PDE4D: variants seen among roughly 807,000 people sequenced by gnomAD.
PDE4D encodes phosphodiesterase 4D.
A neutral mutation model predicts 87.4 loss-of-function variants in PDE4D; 24 were observed. The observed-to-expected ratio is 0.27, with a 90% CI of 0.20 to 0.39. PDE4D has a LOEUF of 0.39. Among genes scored for constraint, PDE4D ranks in the 10% least tolerant of loss-of-function variants. The pLI is 1.00. For missense variants in PDE4D, 714 were observed against 1,041.0 expected, an observed-to-expected ratio of 0.69 and a Z score of 4.32; for synonymous variants, 384 against 383.2, an observed-to-expected ratio of 1.00 and a Z score of -0.02.
chr5:59,783,978 A>G (rs138467570), intron 1 of PDE4D, among the ~76,000 whole-genome samples: 146 of 152,308 alleles, frequency 9.6e-4, no homozygotes, highest in Non-Finnish European at 1.1e-3. Flanking sequence ...AGATGGTTTC[A>G]GCCTGGAAGG....
chr5:59,773,782 G>A (rs1763809523), intron 1 of PDE4D, among the ~76,000 whole-genome samples: 1 of 152,092 alleles, frequency 6.6e-6, no homozygotes, highest in African/African-American at 2.4e-5. Flanking sequence ...TCTGAACACT[G>A]TAGAACATGG....
Position 58,976,489 on chromosome 5 carries a change from T to C in PDE4D, c.1708-17A>G, listed in dbSNP as rs973874906. 45 of 1,516,324 alleles carry C rather than the reference T, an allele frequency of 3.0e-5. No homozygotes were observed. The highest frequency in any genetic ancestry group is 4.2e-5 in the African/African-American group (3 of 72,134). 93.9% of individuals were successfully genotyped at this position (1,516,324 alleles called of 1,614,324 possible). Reference sequence around the variant, plus strand: ...TGCAAGTACCTTAAAATATAGAGTATATTATTAAGTTCAGAGAAAACAGAA... The same window carrying C: ...TGCAAGTACCTTAAAATATAGAGTACATTATTAAGTTCAGAGAAAACAGAA... On this transcript the variant is annotated splice_polypyrimidine_tract_variant and intron_variant, in intron 12 of 14. Coordinates refer to ENST00000340635, the MANE Select transcript of PDE4D (RefSeq NM_001104631.2).
At chr5:60,453,755 A>G (rs1180526059) in intron 1 of PDE4D, among the ~76,000 whole-genome samples, 1 of 152,008 alleles carries the variant, frequency 6.6e-6, no homozygotes, top group Non-Finnish European at 1.5e-5. Flanking sequence ...AACTTTAAGT[A>G]CACTCCTCTC....
chr5:60,359,909 C>G (rs1759917881), intron 1 of PDE4D, among the ~76,000 whole-genome samples: 1 of 152,186 alleles, frequency 6.6e-6, no homozygotes. Flanking sequence ...ATGCTCCTTC[C>G]TCACATTCAT....
intron 2 of PDE4D, among the ~76,000 whole-genome samples, chr5:60,057,263 A>G (rs977852571): frequency 2.0e-5 from 3 of 152,082 alleles, no homozygotes; most frequent in African/African-American, 4.8e-5. Context: ...CCAACACAGC[A>G]AGTAATCACA....
chr5:59,261,258 T>C (rs1761959649), intron 1 of PDE4D, among the ~76,000 whole-genome samples: 1 of 151,876 alleles, frequency 6.6e-6, no homozygotes, highest in Non-Finnish European at 1.5e-5. Context: ...AATCTGGTCT[T>C]TGATAGTCCA....
intron 1 of PDE4D, among the ~76,000 whole-genome samples, chr5:59,725,589 G>T (rs1442721655): frequency 6.6e-6 from 1 of 152,048 alleles, no homozygotes; most frequent in Non-Finnish European, 1.5e-5. Context: ...AAGATCAATG[G>T]AATGCACTGC....
intron 3 of PDE4D, among the ~76,000 whole-genome samples, chr5:59,941,121 A>C (rs1384180803): frequency 1.3e-5 from 2 of 152,202 alleles, no homozygotes; most frequent in Admixed American, 6.5e-5. Flanking sequence ...TATTTTAATA[A>C]GTATATTTCC....
At chr5:59,829,720 A>G (rs1359329794) in intron 1 of PDE4D, among the ~76,000 whole-genome samples, 3 of 152,052 alleles carry the variant, frequency 2.0e-5, no homozygotes, top group Non-Finnish European at 2.9e-5. Flanking sequence ...CACTATTCTA[A>G]TCTAATTATA....
At chr5:59,136,642 T>G (rs1268772281) in intron 5 of PDE4D, among the ~76,000 whole-genome samples, 2 of 152,192 alleles carry the variant, frequency 1.3e-5, no homozygotes, top group African/African-American at 2.4e-5. Flanking sequence ...TGGTGCAGAA[T>G]AGTATTTGTA....
At chr5:59,200,987 T>C (rs1043382387) in intron 2 of PDE4D, among the ~76,000 whole-genome samples, 3 of 152,122 alleles carry the variant, frequency 2.0e-5, no homozygotes, top group African/African-American at 7.2e-5. Flanking sequence ...AAATTATACA[T>C]GCCTTTATTC....
intron 1 of PDE4D, among the ~76,000 whole-genome samples, chr5:60,414,774 G>A (rs551712676): frequency 6.6e-6 from 1 of 152,300 alleles, no homozygotes; most frequent in African/African-American, 2.4e-5. Context: ...AAACCTACTT[G>A]TAATGGAATT....
chr5:60,246,018 TGTACC>T (rs1747723378), intron 1 of PDE4D, among the ~76,000 whole-genome samples: 1 of 48,740 alleles, frequency 2.1e-5, no homozygotes, highest in African/African-American at 1.3e-4. Context: ...ATTGCATGCC[TGTACC>T]CCATGCCTGT....
intron 1 of PDE4D, among the ~76,000 whole-genome samples, chr5:59,609,180 G>A (rs295962): frequency 0.86 from 130,798 of 151,668 alleles, 56,457 homozygotes; most frequent in South Asian, 0.93. Flanking sequence ...GAAGTAGAAG[G>A]ATATAGATGC....
intron 2 of PDE4D, among the ~76,000 whole-genome samples, chr5:59,202,067 C>G (rs1224592953): frequency 9.5e-6 from 1 of 105,486 alleles, no homozygotes; most frequent in Non-Finnish European, 1.7e-5. Context: ...GAGATGGAGT[C>G]TCACTCTGTC....
chr5:60,145,503 A>G (rs1780910421), intron 2 of PDE4D, among the ~76,000 whole-genome samples: 1 of 152,202 alleles, frequency 6.6e-6, no homozygotes, highest in Non-Finnish European at 1.5e-5. Context: ...CCTATTTAAA[A>G]TTGCTTTGCT....
chr5:59,401,923 A>G (rs1430346706), intron 1 of PDE4D, among the ~76,000 whole-genome samples: 1 of 152,200 alleles, frequency 6.6e-6, no homozygotes, highest in South Asian at 2.1e-4. Flanking sequence ...CTTTTGAACT[A>G]AGTTCAGGGC....
intron 1 of PDE4D, among the ~76,000 whole-genome samples, chr5:59,530,656 C>T (rs370172159): frequency 8.6e-5 from 13 of 151,778 alleles, no homozygotes; most frequent in African/African-American, 1.2e-4. Context: ...CCCATGGATA[C>T]GAAAGGCCTA....
At chr5:58,987,090 T>C (rs748276077) in intron 11 of PDE4D, among the ~76,000 whole-genome samples, 2 of 152,170 alleles carry the variant, frequency 1.3e-5, no homozygotes, top group Non-Finnish European at 2.9e-5. Context: ...GCCAGGCTCA[T>C]GTAAAGTGCC....
Sources: allele counts gnomAD v4.1 joint callset (sites outside exome capture counted in the v4.1 genomes callset), GRCh38; gene constraint gnomAD v4.1.1; transcripts MANE v1.5; gene names NCBI Gene and HGNC (gene_info 2026-07-23, HGNC 2026-07-21).